The following NCOA2 variants were observed in gnomAD, a reference collection of about 807,000 sequenced individuals.
The protein encoded by NCOA2 is class E basic helix-loop-helix protein 75.
In NCOA2, 21 loss-of-function variants were observed where a neutral mutation model predicts 145.1. The ratio of observed to expected loss-of-function variants is 0.14; its 90% CI spans 0.10 to 0.21. The LOEUF is 0.21. NCOA2 is among the 10% of genes least tolerant of loss of function. The pLI is 1.00. For synonymous variants in NCOA2, 619 were observed against 637.5 expected (o/e 0.97, Z 0.44); for missense variants, 1,472 against 1,837.6 (o/e 0.80, Z 3.64).
chr8:70,185,735 A>C (rs1815998381), intron 4 of NCOA2, among the ~76,000 whole-genome samples: 1 of 152,214 alleles, frequency 6.6e-6, no homozygotes, highest in Admixed American at 6.5e-5. Context: ...TGCTTCAGTC[A>C]AATCAACTCT....
At chr8:70,453,114 G>A in the NCOA2 span, among the ~76,000 whole-genome samples, 1 of 152,212 alleles carries the variant, frequency 6.6e-6, no homozygotes, top group Non-Finnish European at 1.5e-5. Flanking sequence ...AGAACCTTCA[G>A]ATAGAGGAGC....
chr8:70,254,424 C>G (rs933799051), intron 2 of NCOA2, among the ~76,000 whole-genome samples: 25 of 152,176 alleles, frequency 1.6e-4, no homozygotes, highest in Admixed American at 1.3e-4. Flanking sequence ...AACACATGTT[C>G]ATAGCCGCAT....
rs373051604 is a variant in NCOA2, at chr8:70,148,342, G to C, written c.2536C>G (p.Leu846Val). 22 of 1,613,902 alleles carry C rather than the reference G, an allele frequency of 1.4e-5. No individual in the cohort carries two copies. Among genetic ancestry groups the C allele is most frequent in the African/African-American group, 2.7e-5 (2 of 74,932 alleles). Residue 846 changes from leucine (L) to valine (V), a missense_variant, in exon 12 of 23, where the codon CTC becomes GTC. Transcript: ENST00000452400. Reference sequence around the variant, plus strand: ...GTGACAGGGCTGTTTTCAGCTGTGAGTTGCATGAGGTCATTGATGATGGCT... The same window carrying C: ...GTGACAGGGCTGTTTTCAGCTGTGACTTGCATGAGGTCATTGATGATGGCT... ...KQAIINDLMQ[L>V]TAENSPVTPV... is the part of the protein sequence containing the mutation.
At chr8:70,273,776 T>A (rs1563708947) in intron 2 of NCOA2, 7 of 584,028 alleles carry the variant, frequency 1.2e-5, no homozygotes. Flanking sequence ...CTGGAGAGAA[T>A]GATGATGATG....
At chr8:70,311,482 T>C (rs537275550) in intron 1 of NCOA2, among the ~76,000 whole-genome samples, 3 of 152,368 alleles carry the variant, frequency 2.0e-5, no homozygotes, top group African/African-American at 7.2e-5. Context: ...AAGCAACTTA[T>C]TAATTTTTTA....
At chr8:70,147,123 C>T (rs1038510175) in intron 12 of NCOA2, among the ~76,000 whole-genome samples, 140 of 146,326 alleles carry the variant, frequency 9.6e-4, no homozygotes, top group African/African-American at 3.0e-3. Context: ...CGCGCGCGCG[C>T]GCGCGTGTGT....
chr8:70,417,580 C>G, the NCOA2 span, among the ~76,000 whole-genome samples: 66 of 151,898 alleles, frequency 4.3e-4, no homozygotes, highest in African/African-American at 1.4e-3. Context: ...AACAAACAAA[C>G]AAACAAAACT....
At chr8:70,124,215 A>G in intron 20 of NCOA2, 133 bp from the exon 21 acceptor site, 2 of 808,758 alleles carry the variant, frequency 2.5e-6, no homozygotes, top group South Asian at 4.1e-5. Context: ...AGGCTGAGAC[A>G]GCCGGCAGGT....
chr8:70,439,639 T>C, the NCOA2 span, among the ~76,000 whole-genome samples: 2 of 149,866 alleles, frequency 1.3e-5, no homozygotes, highest in East Asian at 2.0e-4. Context: ...GTGAACATAG[T>C]ACTGTAAGAA....
At chr8:70,302,429 T>C (rs1256196997) in intron 1 of NCOA2, among the ~76,000 whole-genome samples, 4 of 152,200 alleles carry the variant, frequency 2.6e-5, no homozygotes, top group Non-Finnish European at 4.4e-5. Context: ...TTTAAAAGGC[T>C]ATACCTCCAC....
chr8:70,127,722 A>G (rs1480866045), intron 18 of NCOA2, among the ~76,000 whole-genome samples: 1 of 152,238 alleles, frequency 6.6e-6, no homozygotes, highest in African/African-American at 2.4e-5. Context: ...CCAAATCAAT[A>G]CACATGCCAC....
At chr8:70,415,635 G>A in the NCOA2 span, among the ~76,000 whole-genome samples, 57 of 152,226 alleles carry the variant, frequency 3.7e-4, no homozygotes, top group African/African-American at 1.3e-3. Context: ...GACCAGAAAG[G>A]CAACACCTCT....
chr8:70,247,697 C>G (rs142780993), intron 2 of NCOA2, among the ~76,000 whole-genome samples: 1 of 152,292 alleles, frequency 6.6e-6, no homozygotes, highest in African/African-American at 2.4e-5. Flanking sequence ...ATAGAGAGAG[C>G]GTGAGGTCAC....
chr8:70,124,982 T>A, intron 19 of NCOA2, 117 bp from the exon 20 acceptor site: 2 of 803,008 alleles, frequency 2.5e-6, no homozygotes, highest in South Asian at 3.9e-5. Context: ...CTTTCAAATA[T>A]ATGATTGTGT....
intron 1 of NCOA2, among the ~76,000 whole-genome samples, chr8:70,304,183 GAC>G (rs1356744313): frequency 2.0e-5 from 3 of 152,098 alleles, no homozygotes; most frequent in African/African-American, 7.2e-5. Flanking sequence ...ATTTGTCAAT[GAC>G]ACACTGCATA....
intron 11 of NCOA2, among the ~76,000 whole-genome samples, chr8:70,151,721 T>C (rs1041382005): frequency 4.6e-5 from 7 of 152,208 alleles, no homozygotes; most frequent in African/African-American, 9.6e-5. Flanking sequence ...ACTATGAAGT[T>C]TTCCCAACTA....
At chr8:70,390,636 G>GCA (rs1813112429) in intron 1 of NCOA2, among the ~76,000 whole-genome samples, 1 of 151,708 alleles carries the variant, frequency 6.6e-6, no homozygotes, top group Non-Finnish European at 1.5e-5. Flanking sequence ...ACATAGTGGC[G>GCA]CACACCTGTG....
intron 2 of NCOA2, among the ~76,000 whole-genome samples, chr8:70,249,982 AGAAGAAGAAG>A (rs1563679883): frequency 5.7e-4 from 84 of 148,174 alleles, no homozygotes; most frequent in African/African-American, 2.0e-3. Flanking sequence ...AAAAAAAAGA[AGAAGAAGAAG>A]AAGAAGAAGA....
the NCOA2 span, among the ~76,000 whole-genome samples, chr8:70,416,187 G>GTT: frequency 0.031 from 4,258 of 136,398 alleles, 151 homozygotes; most frequent in East Asian, 0.12. Context: ...GGGGACCTCA[G>GTT]TTTTTTTGTT....
Sources: allele counts gnomAD v4.1 joint callset (sites outside exome capture counted in the v4.1 genomes callset), GRCh38; gene constraint gnomAD v4.1.1; transcripts MANE v1.5; gene names NCBI Gene and HGNC (gene_info 2026-07-23, HGNC 2026-07-21).